The following CFAP251 variants were observed in gnomAD, a reference collection of about 807,000 sequenced individuals.
CFAP251 encodes the protein cilia and flagella associated protein 251, also known as cilia- and flagella-associated protein 251.
In CFAP251, 93 loss-of-function variants were observed where a neutral mutation model predicts 126.7. The observed-to-expected ratio is 0.73, with a 90% CI of 0.62 to 0.87. CFAP251 has a LOEUF of 0.87. Ranked by LOEUF, CFAP251 falls within the 40% of genes least tolerant of loss-of-function variation. The pLI, the probability that CFAP251 is intolerant of heterozygous loss-of-function variation, is 0.00. For missense variants in CFAP251, 1,287 were observed against 1,389.2 expected (o/e 0.93, Z 1.17); for synonymous variants, 503 against 506.9 (o/e 0.99, Z 0.10).
chr12:121,998,469 ATATATATATATATATATAT>A (rs1222347914), intron 19 of CFAP251: 4 of 46,476 alleles, frequency 8.6e-5, no homozygotes, highest in Admixed American at 7.5e-4. Context: ...ATATATATAT[ATATATATATATATATATAT>A]GATTGTGTTA....
At chr12:121,934,462 G>A (rs1047173377) in intron 5 of CFAP251, 106 bp downstream of exon 5, 10 of 848,118 alleles carry the variant, frequency 1.2e-5, no homozygotes, top group Middle Eastern at 2.2e-4. Context: ...AATTTGATTT[G>A]TTGGTGTTCC....
chr12:121,976,754 CA>C (rs1275958493), intron 19 of CFAP251, among the ~76,000 whole-genome samples: 1 of 151,860 alleles, frequency 6.6e-6, no homozygotes, highest in African/African-American at 2.4e-5. Flanking sequence ...CCATCCCCCC[CA>C]AAAAATTGCC....
intron 13 of CFAP251, 150 bp downstream of exon 13, chr12:121,959,244 C>G: frequency 2.5e-6 from 2 of 811,226 alleles, no homozygotes; most frequent in Non-Finnish European, 3.8e-6. Context: ...CAAGACCAGC[C>G]TAGGAAACAC....
chr12:121,962,779 G>C (rs1337487169), intron 15 of CFAP251, among the ~76,000 whole-genome samples: 4 of 152,038 alleles, frequency 2.6e-5, no homozygotes, highest in Non-Finnish European at 5.9e-5. Flanking sequence ...GGGGACATCT[G>C]AGCATCCAGA....
rs1881625534 is a variant in CFAP251 at position 121,954,063 on chromosome 12, A to G, written c.1321-57A>G. On this transcript the variant is annotated intron_variant, in intron 9 of 21. Transcript: ENST00000288912. ...TAGCATTATAAAATATCGTATTGAT[A>G]AATGCTTTGTTTTATATTTATTACC... 3 of 1,432,774 alleles carry G rather than the reference A, an allele frequency of 2.1e-6. No individual in the cohort carries two copies. The Admixed American group carries it at 5.4e-5, about 26-fold the overall frequency. 88.8% of individuals were successfully genotyped at this position (1,432,774 alleles called of 1,614,324 possible). A position where few individuals can be genotyped will look rare whatever the true frequency, so the allele number is the denominator to read the frequency against.
intron 3 of CFAP251, among the ~76,000 whole-genome samples, chr12:121,930,039 G>A (rs1399138418): frequency 6.6e-6 from 1 of 152,112 alleles, no homozygotes; most frequent in African/African-American, 2.4e-5. Context: ...TTGGAATCAT[G>A]TAATATGCAG....
intron 21 of CFAP251, 166 bp downstream of exon 21, chr12:122,001,764 T>G (rs1883157950): frequency 1.5e-6 from 1 of 646,782 alleles, no homozygotes; most frequent in African/African-American, 1.8e-5. Context: ...AAAAGAACAG[T>G]GAGTGGTGGC....
chr12:121,921,824 G>A, intron 2 of CFAP251, 141 bp downstream of exon 2: 2 of 915,776 alleles, frequency 2.2e-6, no homozygotes, highest in South Asian at 2.0e-5. Flanking sequence ...GAGTCTCACT[G>A]TTGCCCAGGC....
Position 121,942,530 on chromosome 12 carries a change from G to T in CFAP251, c.999-4G>T, listed in dbSNP as rs753553835. ...AGTGTCGCCCCCCTTGTCCTGTTTT[G>T]CAGTATTCCTGTGCACACAATATTT... On this transcript the variant is annotated splice_polypyrimidine_tract_variant and splice_region_variant and intron_variant, in intron 5 of 21. Coordinates refer to ENST00000288912, the MANE Select transcript of CFAP251 (RefSeq NM_144668.6). The T allele has an allele frequency of 1.2e-6, 2 of 1,609,446 alleles. No homozygotes were observed. The highest frequency in any genetic ancestry group is 2.2e-5 in the East Asian group (1 of 44,788).
At position 121,960,749 on chromosome 12, in the gene CFAP251, C is replaced by T. The variant is rs750432991; in HGVS notation, c.2298C>T (p.Asp766=). Residue 766 remains aspartate, a synonymous_variant, in exon 14 of 22, where the codon GAC becomes GAT. Transcript: ENST00000288912. ...CTAGACTGCTGAGCCTTGGGACAGA[C>T]AGGCTCTTGGTGAGCTGTTTAGTTT... ...NEPRLLSLGT[D]RLLIEYDLLR... 11 of 1,613,078 alleles carry T rather than the reference C, an allele frequency of 6.8e-6. No individual in the cohort carries two copies. Among genetic ancestry groups the T allele is most frequent in the South Asian group, 2.2e-5 (2 of 91,024 alleles).
chr12:121,982,933 T>A (rs1882658994), intron 19 of CFAP251, among the ~76,000 whole-genome samples: 1 of 151,662 alleles, frequency 6.6e-6, no homozygotes, highest in Non-Finnish European at 1.5e-5. Flanking sequence ...GAGACCCCGA[T>A]CTCTAAAAAA....
At chr12:121,972,112 G>T (rs1466059144) in intron 17 of CFAP251, 2 of 186,894 alleles carry the variant, frequency 1.1e-5, no homozygotes, top group Non-Finnish European at 2.2e-5. Context: ...CATGAAAATG[G>T]ACTAATATAG....
chr12:121,963,955 T>C (rs1882035748), intron 15 of CFAP251, among the ~76,000 whole-genome samples: 1 of 151,766 alleles, frequency 6.6e-6, no homozygotes, highest in Admixed American at 6.6e-5. Flanking sequence ...GAAAGAAGGA[T>C]GGAGGCAGGA....
At chr12:121,928,312 A>G (rs1026083486) in intron 3 of CFAP251, among the ~76,000 whole-genome samples, 3 of 152,102 alleles carry the variant, frequency 2.0e-5, no homozygotes, top group African/African-American at 7.2e-5. Flanking sequence ...TTATGATTCC[A>G]TAATTCTACC....
At chr12:121,920,962 C>T (rs1261937592) in intron 1 of CFAP251, among the ~76,000 whole-genome samples, 5 of 152,068 alleles carry the variant, frequency 3.3e-5, no homozygotes, top group Non-Finnish European at 7.4e-5. Context: ...GATTCTCCTG[C>T]CTCAGCCTCC....
intron 19 of CFAP251, among the ~76,000 whole-genome samples, chr12:121,985,663 G>A (rs924276659): frequency 9.9e-5 from 15 of 151,510 alleles, no homozygotes; most frequent in African/African-American, 1.7e-4. Flanking sequence ...GTCTCACTAC[G>A]TTGCCCAGGC....
At chr12:121,956,333 T>G (rs1881726785) in intron 10 of CFAP251, among the ~76,000 whole-genome samples, 1 of 152,134 alleles carries the variant, frequency 6.6e-6, no homozygotes, top group Non-Finnish European at 1.5e-5. Context: ...TGCGTATGGC[T>G]GATCTTGGAG....
In CFAP251 at chr12:121,921,371, A is replaced by T; in HGVS notation, c.66A>T (p.Glu22Asp). Residue 22 changes from glutamate (E) to aspartate (D), a missense_variant, in exon 2 of 22, where the codon GAA becomes GAT. By Grantham distance (45) the Glu-to-Asp change is conservative (BLOSUM62 2). Coordinates refer to ENST00000288912, the MANE Select transcript of CFAP251 (RefSeq NM_144668.6). ...TGENGETEMKEEEEPNPNYKE... is the reference protein window; with the variant it reads ...TGENGETEMKDEEEPNPNYKE... ...AAAATGGAGAAACAGAAATGAAAGA[A>T]GAGGAGGAACCTAATCCAAATTATA... 1 of 1,609,656 alleles carries T rather than the reference A, an allele frequency of 6.2e-7. No homozygotes were observed. The highest frequency in any genetic ancestry group is 8.5e-7 in the Non-Finnish European group (1 of 1,179,004).
At chr12:121,944,831 G>A (rs1881255639) in intron 7 of CFAP251, among the ~76,000 whole-genome samples, 1 of 152,198 alleles carries the variant, frequency 6.6e-6, no homozygotes, top group African/African-American at 2.4e-5. Flanking sequence ...TGTCCAGTCT[G>A]GAGAGCAGTG....
Sources: allele counts gnomAD v4.1 joint callset (sites outside exome capture counted in the v4.1 genomes callset), GRCh38; gene constraint gnomAD v4.1.1; transcripts MANE v1.5; gene names NCBI Gene and HGNC (gene_info 2026-07-23, HGNC 2026-07-21).